GRM5: variants seen among roughly 807,000 people sequenced by gnomAD.
GRM5 encodes metabotropic glutamate receptor 5.
In GRM5, 19 loss-of-function variants were observed where a neutral mutation model predicts 83.1. The observed-to-expected ratio is 0.23, with a 90% CI of 0.16 to 0.34. The LOEUF (loss-of-function observed/expected upper bound fraction) is 0.34. Among genes scored for constraint, GRM5 ranks in the 10% least tolerant of loss-of-function variants. GRM5 has a pLI of 1.00. For missense variants in GRM5, 1,160 were observed against 1,588.3 expected, an observed-to-expected ratio of 0.73 and a Z score of 4.58; for synonymous variants, 675 against 633.6, an observed-to-expected ratio of 1.07 and a Z score of -0.98.
At chr11:88,920,217 C>G (rs2135626872) in intron 2 of GRM5, among the ~76,000 whole-genome samples, 1 of 151,886 alleles carries the variant, frequency 6.6e-6, no homozygotes, top group South Asian at 2.1e-4. Context: ...GATATTACAA[C>G]TGATACCACA....
intron 3 of GRM5, among the ~76,000 whole-genome samples, chr11:88,751,610 C>G (rs181467251): frequency 6.6e-6 from 1 of 152,226 alleles, no homozygotes; most frequent in East Asian, 1.9e-4. Flanking sequence ...TTCTATGAGG[C>G]CAGCATCATC....
chr11:88,637,669 G>A lies in GRM5; in HGVS notation c.1147+15499C>T, dbSNP rs978250633. 3.4e-5 allele frequency among the ~76,000 whole-genome samples: 5 copies of A among 147,178 alleles called. No homozygotes were observed. The South Asian group carries it at 7.0e-4, about 21-fold the overall frequency. ...GTCAGGAAACAACAGGTGCTGGAGA[G>A]GATGTGGAGAAACAGGAACACTTTT... On this transcript the variant is annotated intron_variant, in intron 4 of 9. Transcript: ENST00000305447.
chr11:89,007,593 A>C (rs1158561314), intron 2 of GRM5, among the ~76,000 whole-genome samples: 1 of 152,212 alleles, frequency 6.6e-6, no homozygotes, highest in Non-Finnish European at 1.5e-5. Context: ...GATAGGTAAT[A>C]AAGGTTTATT....
chr11:88,635,021 G>C lies in GRM5; in HGVS notation c.1147+18147C>G, dbSNP rs560160402. On this transcript the variant is annotated intron_variant, in intron 4 of 9. Coordinates refer to ENST00000305447, the MANE Select transcript of GRM5 (RefSeq NM_001143831.3). ...GGTGTAGACTGAATTTTGGTGGGGA[G>C]GAAGGGCACGTGGATATAAAAATTT... 3.9e-5 allele frequency among the ~76,000 whole-genome samples: 6 copies of C among 152,242 alleles called. No individual in the cohort carries two copies. The East Asian group carries it at 1.2e-3, about 29-fold the overall frequency.
At position 88,570,898 on chromosome 11, in the gene GRM5, A is replaced by T. The variant is rs1473535196; in HGVS notation, c.1691-2906T>A. Among the ~76,000 whole-genome samples, 10 of 151,954 alleles carry T rather than the reference A, an allele frequency of 6.6e-5. No homozygotes were observed. In the East Asian group the frequency reaches 1.7e-3, roughly 26 times the overall value. On this transcript the variant is annotated intron_variant, in intron 7 of 9. Coordinates refer to ENST00000305447, the MANE Select transcript of GRM5 (RefSeq NM_001143831.3). ...TATATTTATTATTTTATATTAGTTC[A>T]TTTATAGCAATGATTTGACAATAAA...
intron 2 of GRM5, among the ~76,000 whole-genome samples, chr11:88,960,791 G>A (rs1222307378): frequency 6.6e-6 from 1 of 152,138 alleles, no homozygotes; most frequent in Non-Finnish European, 1.5e-5. Context: ...TAACATCACA[G>A]ATCTGAAACC....
At chr11:88,932,176 T>C (rs1038260491) in intron 2 of GRM5, among the ~76,000 whole-genome samples, 5 of 152,114 alleles carry the variant, frequency 3.3e-5, no homozygotes, top group Admixed American at 2.0e-4. Context: ...CTATTTTTTA[T>C]CTTTTGATAC....
At chr11:88,956,469 A>G (rs1393010960) in intron 2 of GRM5, among the ~76,000 whole-genome samples, 1 of 152,242 alleles carries the variant, frequency 6.6e-6, no homozygotes, top group Non-Finnish European at 1.5e-5. Context: ...CCTATTCTCA[A>G]GAATTCATAG....
chr11:88,778,413 T>G (rs1308812282), intron 3 of GRM5, among the ~76,000 whole-genome samples: 1 of 152,204 alleles, frequency 6.6e-6, no homozygotes, highest in African/African-American at 2.4e-5. Flanking sequence ...GCTTCCCAGG[T>G]GAGGTGATGC....
At chr11:88,963,104 A>C (rs1938834344) in intron 2 of GRM5, among the ~76,000 whole-genome samples, 1 of 152,168 alleles carries the variant, frequency 6.6e-6, no homozygotes, top group African/African-American at 2.4e-5. Context: ...CAAACAAAAA[A>C]CAAACAAACA....
intron 2 of GRM5, among the ~76,000 whole-genome samples, chr11:88,971,572 G>A (rs1391221151): frequency 6.6e-6 from 1 of 152,066 alleles, no homozygotes; most frequent in Non-Finnish European, 1.5e-5. Context: ...TTAGGATAAT[G>A]GCATCCAGTT....
chr11:88,738,904 G>A (rs554061657), intron 3 of GRM5, among the ~76,000 whole-genome samples: 16 of 152,070 alleles, frequency 1.1e-4, no homozygotes, highest in South Asian at 1.0e-3. Flanking sequence ...TTGGTCACGC[G>A]TTTCTTACAC....
At chr11:88,589,276 A>C (rs1053993587) in intron 7 of GRM5, among the ~76,000 whole-genome samples, 1 of 152,176 alleles carries the variant, frequency 6.6e-6, no homozygotes, top group Admixed American at 6.5e-5. Flanking sequence ...CATCTATTCA[A>C]CAAAATTTAT....
At chr11:89,016,435 C>T (rs1003232384) in intron 2 of GRM5, among the ~76,000 whole-genome samples, 2 of 151,770 alleles carry the variant, frequency 1.3e-5, no homozygotes, top group African/African-American at 2.4e-5. Flanking sequence ...CTTTGAATAA[C>T]AATATTCTTG....
chr11:88,642,032 G>A (rs1010893497), intron 4 of GRM5, among the ~76,000 whole-genome samples: 3 of 152,082 alleles, frequency 2.0e-5, no homozygotes, highest in Admixed American at 2.0e-4. Flanking sequence ...GTTCTCTGTT[G>A]GGGCTCCAAC....
intron 2 of GRM5, among the ~76,000 whole-genome samples, chr11:88,994,447 A>T (rs201691212): frequency 0.072 from 994 of 13,738 alleles, no homozygotes; most frequent in Non-Finnish European, 0.1. Context: ...TTAACTGATT[A>T]TATATATATA....
chr11:88,584,594 C>T (rs1239441944), intron 7 of GRM5, among the ~76,000 whole-genome samples: 2 of 152,076 alleles, frequency 1.3e-5, no homozygotes, highest in Non-Finnish European at 2.9e-5. Context: ...AGGCATGCAC[C>T]ACCGTGGCTG....
At chr11:88,909,749 T>C (rs1945464884) in intron 2 of GRM5, among the ~76,000 whole-genome samples, 1 of 152,072 alleles carries the variant, frequency 6.6e-6, no homozygotes, top group African/African-American at 2.4e-5. Context: ...CTAGCACAAA[T>C]GAGAAACACA....
At chr11:88,689,127 A>G (rs1940718270) in intron 3 of GRM5, among the ~76,000 whole-genome samples, 1 of 152,170 alleles carries the variant, frequency 6.6e-6, no homozygotes, top group Admixed American at 6.5e-5. Context: ...TAAATAGGCT[A>G]CTCAATGTTT....
Sources: allele counts gnomAD v4.1 joint callset (sites outside exome capture counted in the v4.1 genomes callset), GRCh38; gene constraint gnomAD v4.1.1; transcripts MANE v1.5; gene names NCBI Gene and HGNC (gene_info 2026-07-23, HGNC 2026-07-21).